Variants in ARMH4 observed in about 807,000 individuals in gnomAD.
ARMH4 encodes armadillo like helical domain containing 4.
A neutral mutation model predicts 61.9 loss-of-function variants in ARMH4; 49 were observed. The ratio of observed to expected loss-of-function variants is 0.79; its 90% confidence interval spans 0.63 to 1.00. The LOEUF (loss-of-function observed/expected upper bound fraction) is 1.00, where lower values mean the gene tolerates loss of function less well. Ranked by LOEUF, ARMH4 falls within the 50% of genes least tolerant of loss-of-function variation. ARMH4 has a pLI of 0.00. For missense variants in ARMH4, 934 were observed against 930.0 expected, an observed-to-expected ratio of 1.00 and a Z score of -0.06; for synonymous variants, 368 against 341.5, an observed-to-expected ratio of 1.08 and a Z score of -0.85.
intron 5 of ARMH4, among the ~76,000 whole-genome samples, chr14:58,076,632 T>G (rs1462825193): frequency 6.6e-6 from 1 of 152,192 alleles, no homozygotes; most frequent in Non-Finnish European, 1.5e-5. Flanking sequence ...ATATGTAAAT[T>G]ATATCTCAGT....
chr14:58,072,793 C>T (rs1884926498), intron 5 of ARMH4, among the ~76,000 whole-genome samples: 1 of 151,962 alleles, frequency 6.6e-6, no homozygotes, highest in Non-Finnish European at 1.5e-5. Context: ...CTGCTGAGTT[C>T]AAGGAAGAGC....
chr14:58,130,866 C>T (rs534222720), intron 4 of ARMH4, among the ~76,000 whole-genome samples: 12 of 152,342 alleles, frequency 7.9e-5, no homozygotes, highest in African/African-American at 2.4e-4. Flanking sequence ...GGAAACTCAA[C>T]ATCTCCATCT....
intron 5 of ARMH4, among the ~76,000 whole-genome samples, chr14:58,032,182 T>C (rs1032018953): frequency 9.2e-5 from 14 of 152,158 alleles, no homozygotes; most frequent in Admixed American, 2.0e-4. Context: ...AGAACCCAGA[T>C]GAGACTTATG....
chr14:58,140,956 G>A (rs1594782463), intron 1 of ARMH4, among the ~76,000 whole-genome samples: 2 of 151,866 alleles, frequency 1.3e-5, no homozygotes, highest in Admixed American at 6.6e-5. Context: ...CACCATGTAG[G>A]ACACAGCAAA....
At position 58,099,795 on chromosome 14, in the gene ARMH4, G is replaced by A. The variant is rs538664063; in HGVS notation, c.1832-2814C>T. ...AAGCAGCTGCGGGAGAATATCCTGG[G>A]AGACATGGTATTATACAGTGGCTGC... On this transcript the variant is annotated intron_variant, in intron 4 of 7. Transcript: ENST00000267485. Among the ~76,000 whole-genome samples, 6 of 152,276 alleles carry A rather than the reference G, an allele frequency of 3.9e-5. No homozygotes were observed. In the South Asian group the frequency reaches 1.2e-3, roughly 32 times the overall value.
chr14:58,045,330 G>T (rs1411087923), intron 5 of ARMH4, among the ~76,000 whole-genome samples: 2 of 152,100 alleles, frequency 1.3e-5, no homozygotes, highest in Non-Finnish European at 2.9e-5. Flanking sequence ...GATGAAGCTG[G>T]AAACCATCAT....
chr14:58,142,278 A>T (rs2139991161), intron 1 of ARMH4, among the ~76,000 whole-genome samples: 1 of 152,272 alleles, frequency 6.6e-6, no homozygotes, highest in East Asian at 1.9e-4. Context: ...GAAATTTAGA[A>T]ATTTCTTTTC....
chr14:58,144,840 C>G (rs1288931965), intron 1 of ARMH4, among the ~76,000 whole-genome samples: 1 of 152,024 alleles, frequency 6.6e-6, no homozygotes, highest in Non-Finnish European at 1.5e-5. Context: ...TGCACTCCAG[C>G]CTGGGTGGCA....
At chr14:58,076,078 G>C (rs1885035983) in intron 5 of ARMH4, among the ~76,000 whole-genome samples, 1 of 138,756 alleles carries the variant, frequency 7.2e-6, no homozygotes, top group Admixed American at 7.3e-5. Flanking sequence ...GAAAGGAGGA[G>C]AAAGAGGAGG....
rs772763250 is a variant in ARMH4, at chr14:58,138,710, T to C, written c.649A>G (p.Thr217Ala). ...AATTTCTCAGTCTTTGGATTGGTGG[T>C]TAGCATTTCCTTAGTATTCACATAG... ...SSYVNTKEML[T>A]TNPKTEKFEA... The change falls in exon 2 of 8, where the codon ACC becomes GCC. Residue 217 changes from threonine to alanine, a missense_variant. Transcript: ENST00000267485. 6.8e-6 allele frequency: 11 copies of C among 1,614,010 alleles called. No homozygotes were observed. The African/African-American group carries it at 8.0e-5, about 12-fold the overall frequency.
intron 4 of ARMH4, among the ~76,000 whole-genome samples, chr14:58,124,661 C>T (rs1218107568): frequency 1.3e-5 from 2 of 152,178 alleles, no homozygotes; most frequent in Non-Finnish European, 2.9e-5. Context: ...AAAGATAGAA[C>T]ATAACTGTCA....
intron 5 of ARMH4, among the ~76,000 whole-genome samples, chr14:58,067,278 T>A (rs1447761774): frequency 1.3e-5 from 2 of 152,224 alleles, no homozygotes; most frequent in Non-Finnish European, 2.9e-5. Context: ...TGAGAGTCTG[T>A]TACATGGTAG....
chr14:58,062,589 A>C (rs368171814), intron 5 of ARMH4, among the ~76,000 whole-genome samples: 1 of 152,346 alleles, frequency 6.6e-6, no homozygotes, highest in South Asian at 2.1e-4. Context: ...ATATTAACAG[A>C]AACAGTGACC....
intron 1 of ARMH4, among the ~76,000 whole-genome samples, chr14:58,151,855 C>G (rs1029761087): frequency 3.3e-5 from 5 of 152,358 alleles, no homozygotes; most frequent in South Asian, 2.1e-4. Flanking sequence ...GCGCGCCGCG[C>G]CCAGCGCGCC....
At chr14:58,034,167 C>T (rs1222661760) in intron 5 of ARMH4, among the ~76,000 whole-genome samples, 4 of 136,350 alleles carry the variant, frequency 2.9e-5, no homozygotes, top group Non-Finnish European at 4.9e-5. Flanking sequence ...GGTCGGGTTA[C>T]CCTCAAAGGA....
intron 6 of ARMH4, among the ~76,000 whole-genome samples, chr14:58,006,707 C>G (rs545232857): frequency 6.7e-6 from 1 of 148,736 alleles, no homozygotes; most frequent in Non-Finnish European, 1.5e-5. Context: ...GGGAACTGAA[C>G]AATGAGAACA....
chr14:58,053,474 C>A (rs1258751724), intron 5 of ARMH4, among the ~76,000 whole-genome samples: 1 of 152,148 alleles, frequency 6.6e-6, no homozygotes, highest in Non-Finnish European at 1.5e-5. Flanking sequence ...CTTCTTCCTG[C>A]CCCCACCCTT....
Position 58,012,039 on chromosome 14 carries a change from C to A in ARMH4, c.2121+80G>T, listed in dbSNP as rs1040888085. Reference sequence around the variant, plus strand: ...CAGAATCAGAATAATAAACCAAAGCCCTACTACTCTGAAGATCTTTTGCTT... The same window carrying A: ...CAGAATCAGAATAATAAACCAAAGCACTACTACTCTGAAGATCTTTTGCTT... On this transcript the variant is annotated intron_variant, in intron 6 of 7. Coordinates refer to ENST00000267485, the MANE Select transcript of ARMH4 (RefSeq NM_001001872.4). The A allele has an allele frequency of 1.9e-5, 19 of 983,818 alleles. No individual in the cohort carries two copies. The African/African-American group carries it at 2.6e-4, about 13-fold the overall frequency. 60.9% of individuals were successfully genotyped at this position (983,818 alleles called of 1,614,324 possible).
intron 4 of ARMH4, among the ~76,000 whole-genome samples, chr14:58,105,334 C>T (rs1002889163): frequency 2.0e-5 from 3 of 152,112 alleles, no homozygotes; most frequent in African/African-American, 7.2e-5. Context: ...GTAAAAGACA[C>T]GTACACACAA....
Sources: gnomAD v4.1 joint callset for allele counts (sites outside exome capture counted in the v4.1 genomes callset) on GRCh38, gnomAD v4.1.1 for gene constraint, MANE v1.5 for transcripts, NCBI Gene and HGNC (gene_info 2026-07-23, HGNC 2026-07-21) for gene names.